The following ANKH variants were observed in gnomAD, a reference collection of about 807,000 sequenced individuals.
The protein encoded by ANKH is mineralization regulator ANKH.
In ANKH, 15 loss-of-function variants were observed where a neutral mutation model predicts 49.0. The ratio of observed to expected loss-of-function variants is 0.31; its 90% CI spans 0.20 to 0.47. The LOEUF (loss-of-function observed/expected upper bound fraction) is 0.47, where lower values mean the gene tolerates loss of function less well. ANKH is among the 20% of genes least tolerant of loss of function. The pLI is 1.00. For synonymous variants in ANKH, 273 were observed against 260.0 expected (o/e 1.05, Z -0.48); for missense variants, 429 against 652.0 (o/e 0.66, Z 3.72).
intron 1 of ANKH, among the ~76,000 whole-genome samples, chr5:14,840,408 C>T (rs148393496): frequency 5.8e-4 from 89 of 152,240 alleles, no homozygotes; most frequent in African/African-American, 1.9e-3. Flanking sequence ...CTGCATTTTT[C>T]TAGGAGGAAG....
chr5:14,854,219 T>C (rs1435750923), intron 1 of ANKH, among the ~76,000 whole-genome samples: 1 of 152,156 alleles, frequency 6.6e-6, no homozygotes, highest in African/African-American at 2.4e-5. Context: ...TGACAGAGAA[T>C]GTCCTGAAGA....
At chr5:14,791,386 A>G (rs1740161312) in intron 1 of ANKH, among the ~76,000 whole-genome samples, 1 of 152,196 alleles carries the variant, frequency 6.6e-6, no homozygotes, top group South Asian at 2.1e-4. Flanking sequence ...GGTGATTTCC[A>G]TAAAAAATGC....
At chr5:14,784,362 C>A (rs765711566) in intron 1 of ANKH, among the ~76,000 whole-genome samples, 1 of 152,154 alleles carries the variant, frequency 6.6e-6, no homozygotes, top group Non-Finnish European at 1.5e-5. Flanking sequence ...CTGCCTGGTG[C>A]TCCTTCCTCT....
At chr5:14,769,252 T>C (rs1739350634) in intron 1 of ANKH, 61 bp from the exon 2 acceptor site, 2 of 1,371,520 alleles carry the variant, frequency 1.5e-6, no homozygotes, top group Non-Finnish European at 2.0e-6. Flanking sequence ...TGGGGAATCA[T>C]ACCTCTAAGA....
intron 1 of ANKH, among the ~76,000 whole-genome samples, chr5:14,791,895 C>T (rs1740179080): frequency 1.3e-5 from 2 of 152,154 alleles, no homozygotes; most frequent in African/African-American, 2.4e-5. Flanking sequence ...CTGTTATGTG[C>T]CTGGTACTCT....
Position 14,751,091 on chromosome 5 carries a change from T to G in ANKH, c.665A>C (p.Asp222Ala). 3.1e-6 allele frequency: 5 copies of G among 1,614,202 alleles called. No homozygotes were observed. The highest frequency in any genetic ancestry group is 3.4e-6 in the Non-Finnish European group (4 of 1,180,042). The change falls in exon 5 of 12, where the codon GAC (aspartate) becomes GCC (alanine). Residue 222 changes from aspartate (D) to alanine (A), a missense_variant. This residue lies in a region of ANKH where 378 missense variants were observed against 615.3 expected (regional missense o/e 0.61). Transcript: ENST00000284268. Reference sequence around the variant, plus strand: ...TACCCCCAGCTCCGGGCCACTTCTGTCAGGGATGATGTCGTGAATGTTCTT... The same window carrying G: ...TACCCCCAGCTCCGGGCCACTTCTGGCAGGGATGATGTCGTGAATGTTCTT... Reference protein sequence around the residue: ...YYKNIHDIIPDRSGPELGGDA... With the variant: ...YYKNIHDIIPARSGPELGGDA...
At chr5:14,851,794 A>G (rs1000468822) in intron 1 of ANKH, among the ~76,000 whole-genome samples, 2 of 152,182 alleles carry the variant, frequency 1.3e-5, no homozygotes, top group African/African-American at 4.8e-5. Flanking sequence ...CACTTCCCCA[A>G]ATTCTCATTT....
intron 8 of ANKH, chr5:14,717,074 C>T (rs534934569): frequency 2.0e-6 from 1 of 495,398 alleles, no homozygotes; most frequent in African/African-American, 1.9e-5. Flanking sequence ...GCAGATGTGG[C>T]TCCTCCAAGA....
chr5:14,795,447 C>T (rs965624203), intron 1 of ANKH, among the ~76,000 whole-genome samples: 2 of 152,166 alleles, frequency 1.3e-5, no homozygotes, highest in Admixed American at 1.3e-4. Context: ...ATCCCCAAAT[C>T]ATGTGCAATT....
intron 1 of ANKH, among the ~76,000 whole-genome samples, chr5:14,853,360 G>C (rs529533169): frequency 1.2e-4 from 18 of 152,274 alleles, no homozygotes; most frequent in Non-Finnish European, 2.4e-4. Flanking sequence ...AGAATCACTT[G>C]AGCCCTGGGG....
intron 1 of ANKH, chr5:14,797,730 G>C: frequency 6.2e-7 from 1 of 1,609,056 alleles, no homozygotes; most frequent in South Asian, 1.1e-5. Flanking sequence ...CGTATGCCCT[G>C]TAAAGATGGT....
At position 14,745,371 on chromosome 5, in the gene ANKH, G is replaced by A. The variant is rs569202972; in HGVS notation, c.915+499C>T. On this transcript the variant is annotated intron_variant, in intron 7 of 11. Coordinates refer to ENST00000284268, the MANE Select transcript of ANKH (RefSeq NM_054027.6). This position sits in a 1 kb window ranked among gnomAD's most constrained non-coding sequence, Gnocchi z 4.7. ...TGGGGAGACAGAGCAGCTGTCAACA[G>A]GCTTTCCACTGGAATACGTCTGCAA... 6.6e-6 allele frequency among the ~76,000 whole-genome samples: 1 copy of A among 152,286 alleles called. No individual in the cohort carries two copies. The highest frequency in any genetic ancestry group is 6.5e-5 in the Admixed American group (1 of 15,288).
At chr5:14,856,018 A>G (rs1235515817) in intron 1 of ANKH, among the ~76,000 whole-genome samples, 1 of 151,848 alleles carries the variant, frequency 6.6e-6, no homozygotes, top group African/African-American at 2.4e-5. Context: ...CAGTTAGTCA[A>G]GAAAGCATAA....
At chr5:14,783,959 T>C (rs960883860) in intron 1 of ANKH, among the ~76,000 whole-genome samples, 14 of 152,238 alleles carry the variant, frequency 9.2e-5, no homozygotes, top group Non-Finnish European at 1.8e-4. Flanking sequence ...CCCTTTCACC[T>C]ACTCGGGTAA....
At chr5:14,804,687 G>T (rs1156443309) in intron 1 of ANKH, among the ~76,000 whole-genome samples, 3 of 152,210 alleles carry the variant, frequency 2.0e-5, no homozygotes, top group Non-Finnish European at 2.9e-5. Flanking sequence ...GTATACTCTT[G>T]CTAGGTTTAC....
chr5:14,857,362 T>C (rs544196833), intron 1 of ANKH, among the ~76,000 whole-genome samples: 1 of 152,268 alleles, frequency 6.6e-6, no homozygotes, highest in African/African-American at 2.4e-5. Context: ...AAGTATTACA[T>C]TAAGAAAAAC....
At chr5:14,828,145 G>A (rs187171507) in intron 1 of ANKH, among the ~76,000 whole-genome samples, 12 of 152,266 alleles carry the variant, frequency 7.9e-5, no homozygotes, top group Non-Finnish European at 1.8e-4. Context: ...ACATGATGAG[G>A]AGTGTGTGAC....
intron 1 of ANKH, among the ~76,000 whole-genome samples, chr5:14,812,103 TTCTGTATTTATC>T: frequency 7.0e-6 from 1 of 143,828 alleles, no homozygotes. Flanking sequence ...AGGTAGTTGT[TTCTGTATTTATC>T]TTAAAAAAAA....
At chr5:14,838,635 T>C (rs947502425) in intron 1 of ANKH, among the ~76,000 whole-genome samples, 4 of 152,158 alleles carry the variant, frequency 2.6e-5, no homozygotes, top group African/African-American at 9.7e-5. Context: ...AGGCAGAGGA[T>C]GGGACAAGCT....
Sources: allele counts gnomAD v4.1 joint callset (sites outside exome capture counted in the v4.1 genomes callset), GRCh38; gene constraint gnomAD v4.1.1; regional missense constraint gnomAD v4.1.1; non-coding constraint Gnocchi (gnomAD v3.1); transcripts MANE v1.5; gene names NCBI Gene and HGNC (gene_info 2026-07-23, HGNC 2026-07-21).